CDYL2: variants seen among roughly 807,000 people sequenced by gnomAD.
CDYL2 encodes the protein chromodomain Y-like protein 2.
Under a neutral mutation model 49.4 loss-of-function variants are expected in CDYL2, and 23 were observed. The observed-to-expected ratio is 0.47, with a 90% CI of 0.34 to 0.66. The LOEUF is 0.66. Among genes scored for constraint, CDYL2 ranks in the 30% least tolerant of loss-of-function variants. The pLI is 0.01. For synonymous variants in CDYL2, 360 were observed against 268.8 expected, an observed-to-expected ratio of 1.34 and a Z score of -3.32; for missense variants, 678 against 656.4, an observed-to-expected ratio of 1.03 and a Z score of -0.36.
intron 1 of CDYL2, among the ~76,000 whole-genome samples, chr16:80,759,448 C>A (rs946341556): frequency 1.3e-5 from 2 of 151,944 alleles, no homozygotes; most frequent in African/African-American, 4.8e-5. Flanking sequence ...TGTGTATTGT[C>A]AGGAAACAAA....
chr16:80,656,702 G>A (rs1908828285), intron 2 of CDYL2, among the ~76,000 whole-genome samples: 1 of 152,154 alleles, frequency 6.6e-6, no homozygotes, highest in Non-Finnish European at 1.5e-5. Flanking sequence ...AGAAGCGACA[G>A]ATAAAATACA....
chr16:80,759,722 T>C (rs1906462605), intron 1 of CDYL2, among the ~76,000 whole-genome samples: 2 of 152,124 alleles, frequency 1.3e-5, no homozygotes, highest in South Asian at 2.1e-4. Flanking sequence ...AAGAACTGCA[T>C]TGAGAAAAAG....
At chr16:80,675,018 G>A (rs1283905474) in intron 2 of CDYL2, among the ~76,000 whole-genome samples, 2 of 152,184 alleles carry the variant, frequency 1.3e-5, no homozygotes, top group African/African-American at 4.8e-5. Context: ...ATGTGTGTGT[G>A]TTTTAATCTA....
chr16:80,712,111 GTA>G (rs1315065725), intron 1 of CDYL2, among the ~76,000 whole-genome samples: 29 of 145,078 alleles, frequency 2.0e-4, no homozygotes, highest in Non-Finnish European at 3.5e-4. Context: ...GTATATATGT[GTA>G]TATATGTGTA....
chr16:80,752,130 A>T (rs1391945797), intron 1 of CDYL2, among the ~76,000 whole-genome samples: 1 of 137,714 alleles, frequency 7.3e-6, no homozygotes, highest in Non-Finnish European at 1.7e-5. Flanking sequence ...AAAACCAAAA[A>T]AACATAGTAA....
At chr16:80,654,781 A>G (rs1185191714) in intron 2 of CDYL2, among the ~76,000 whole-genome samples, 1 of 152,238 alleles carries the variant, frequency 6.6e-6, no homozygotes, top group Non-Finnish European at 1.5e-5. Flanking sequence ...CCAGTTTTGT[A>G]TTGTTCCCTT....
intron 3 of CDYL2, chr16:80,632,557 T>C (rs1441763728): frequency 6.1e-6 from 1 of 163,018 alleles, no homozygotes; most frequent in Non-Finnish European, 1.4e-5. Context: ...AGGGTGACAT[T>C]TATGGTATGT....
intron 1 of CDYL2, among the ~76,000 whole-genome samples, chr16:80,788,162 C>T (rs1413958645): frequency 6.6e-6 from 1 of 152,148 alleles, no homozygotes; most frequent in Non-Finnish European, 1.5e-5. Context: ...ATTAGACTGA[C>T]CAAGAAATGT....
At chr16:80,666,799 C>T (rs915729449) in intron 2 of CDYL2, among the ~76,000 whole-genome samples, 1 of 152,156 alleles carries the variant, frequency 6.6e-6, no homozygotes, top group African/African-American at 2.4e-5. Flanking sequence ...CTCAGGACCC[C>T]CATCTTAAAG....
chr16:80,797,656 T>A (rs1040587769), intron 1 of CDYL2, among the ~76,000 whole-genome samples: 1 of 152,224 alleles, frequency 6.6e-6, no homozygotes, highest in South Asian at 2.1e-4. Context: ...TTATTTCATG[T>A]AAAATAAACC....
intron 2 of CDYL2, among the ~76,000 whole-genome samples, chr16:80,649,181 G>C (rs1410145998): frequency 6.6e-6 from 1 of 152,024 alleles, no homozygotes; most frequent in Non-Finnish European, 1.5e-5. Flanking sequence ...TTCCAAAGTG[G>C]AAAGAAAGAA....
intron 5 of CDYL2, 109 bp from the exon 6 acceptor site, chr16:80,608,344 G>A: frequency 8.2e-7 from 1 of 1,217,398 alleles, no homozygotes; most frequent in East Asian, 2.7e-5. Context: ...AAGGCATCTT[G>A]CCTTCCAGAT....
At chr16:80,670,622 C>A (rs1263175001) in intron 2 of CDYL2, among the ~76,000 whole-genome samples, 1 of 152,156 alleles carries the variant, frequency 6.6e-6, no homozygotes, top group Non-Finnish European at 1.5e-5. Flanking sequence ...GGCTTCTCAC[C>A]AGGAGGCCCT....
intron 1 of CDYL2, among the ~76,000 whole-genome samples, chr16:80,770,854 G>C (rs890972532): frequency 2.0e-5 from 3 of 152,142 alleles, no homozygotes; most frequent in African/African-American, 7.2e-5. Flanking sequence ...TAGAGGAAGA[G>C]AAGAAATTAA....
intron 1 of CDYL2, among the ~76,000 whole-genome samples, chr16:80,801,378 T>C (rs543792264): frequency 4.6e-5 from 7 of 152,366 alleles, no homozygotes; most frequent in Non-Finnish European, 8.8e-5. Flanking sequence ...TTTTCTGGTG[T>C]CTTTAAAAAT....
chr16:80,804,114 T>A (rs1431613448), intron 1 of CDYL2, 36 bp downstream of exon 1: 1 of 1,037,042 alleles, frequency 9.6e-7, no homozygotes, highest in African/African-American at 1.9e-5. Context: ...CGCCGCCCGC[T>A]GACTGGGGCC....
chr16:80,729,945 C>G (rs1337056901), intron 1 of CDYL2, among the ~76,000 whole-genome samples: 1 of 151,996 alleles, frequency 6.6e-6, no homozygotes, highest in African/African-American at 2.4e-5. Flanking sequence ...GGGACGCATT[C>G]AAAGCAGTGG....
At chr16:80,770,258 A>G (rs1906862055) in intron 1 of CDYL2, among the ~76,000 whole-genome samples, 1 of 152,232 alleles carries the variant, frequency 6.6e-6, no homozygotes, top group East Asian at 1.9e-4. Flanking sequence ...AAGATTAGGT[A>G]CCAAGTTATG....
chr16:80,716,879 CTGGA>C (rs529478035), intron 1 of CDYL2, among the ~76,000 whole-genome samples: 7 of 147,224 alleles, frequency 4.8e-5, no homozygotes, highest in East Asian at 4.2e-4. Flanking sequence ...GGATGGATGA[CTGGA>C]TGGATGGATG....
Sources: allele counts gnomAD v4.1 joint callset (sites outside exome capture counted in the v4.1 genomes callset), GRCh38; gene constraint gnomAD v4.1.1; transcripts MANE v1.5; gene names NCBI Gene and HGNC (gene_info 2026-07-23, HGNC 2026-07-21).